ZFYVE28: variants seen among roughly 807,000 people sequenced by gnomAD.
ZFYVE28 encodes the protein lateral signaling target protein 2 homolog.
In ZFYVE28, 40 loss-of-function variants were observed where a neutral mutation model predicts 82.1. That is an observed-to-expected ratio of 0.49 (90% CI 0.38 to 0.63). The LOEUF is 0.63. Among genes scored for constraint, ZFYVE28 ranks in the 30% least tolerant of loss-of-function variants. The probability of loss-of-function intolerance (pLI) is 0.00; values close to 1 mark genes in which losing one functional copy is unlikely to be tolerated. For missense variants in ZFYVE28, 1,321 were observed against 1,242.1 expected (o/e 1.06, Z -0.96); for synonymous variants, 612 against 546.1 (o/e 1.12, Z -1.68).
chr4:2,330,878 C>G, intron 6 of ZFYVE28: 2 of 1,534,550 alleles, frequency 1.3e-6, no homozygotes, highest in Non-Finnish European at 1.7e-6. Flanking sequence ...GGGCACGGTG[C>G]AGGCAGATCA....
chr4:2,397,387 A>G (rs528699186), intron 1 of ZFYVE28, among the ~76,000 whole-genome samples: 3 of 150,764 alleles, frequency 2.0e-5, no homozygotes, highest in African/African-American at 7.3e-5. Context: ...CTGAGGCAGG[A>G]GAATCGCTTG....
intron 7 of ZFYVE28, among the ~76,000 whole-genome samples, chr4:2,315,466 G>T (rs1718070990): frequency 6.6e-6 from 1 of 152,016 alleles, no homozygotes; most frequent in African/African-American, 2.4e-5. Context: ...TAGAGACGAG[G>T]TTTCACCATG....
chr4:2,364,884 G>A, intron 1 of ZFYVE28: 3 of 985,536 alleles, frequency 3.0e-6, no homozygotes, highest in Non-Finnish European at 2.4e-6. Context: ...GAGTACCGTG[G>A]ACCCCGGAAG....
Position 2,305,420 on chromosome 4 carries a change from GC to G in ZFYVE28, c.919del (p.Ala307ArgfsTer152). The G allele has an allele frequency of 6.2e-7, 1 of 1,612,812 alleles. No individual in the cohort carries two copies. Among genetic ancestry groups the G allele is most frequent in the Non-Finnish European group, 8.5e-7 (1 of 1,179,958 alleles). ...GGGGAGAGGGGCAGAGAGGGCAGGCGCCAGGGCAGCGGGTCCCTGCACGTCT... is the reference window on the plus strand; with the variant it reads ...GGGGAGAGGGGCAGAGAGGGCAGGCGCAGGGCAGCGGGTCCCTGCACGTCT... ...RADVQGPAAL[A>X]PALSAPLPPE... On this transcript the variant is annotated frameshift_variant, in exon 8 of 13. Coordinates refer to ENST00000290974, the MANE Select transcript of ZFYVE28 (RefSeq NM_020972.3). LOFTEE classifies it high-confidence loss of function.
intron 1 of ZFYVE28, among the ~76,000 whole-genome samples, chr4:2,393,016 C>G (rs530434320): frequency 6.6e-6 from 1 of 152,362 alleles, no homozygotes; most frequent in Admixed American, 6.5e-5. Context: ...TCTTTTGCTC[C>G]TGTCTTGGAA....
rs531462945 is a variant in ZFYVE28, at chr4:2,290,617, C to G, written c.2051+13672G>C. Among the ~76,000 whole-genome samples the G allele has an allele frequency of 9.6e-4, 146 of 152,346 alleles. 2 individuals carry two copies. The highest frequency in any genetic ancestry group is 3.0e-3 in the African/African-American group (123 of 41,590). ...CCACACCTGCCCCCTGGCCCCAGAG[C>G]AGCTGCTGACGTCCACGGCTCACCA... On this transcript the variant is annotated intron_variant, in intron 8 of 12. Transcript: ENST00000290974.
chr4:2,291,774 G>A (rs970184065), intron 8 of ZFYVE28, among the ~76,000 whole-genome samples: 5 of 152,280 alleles, frequency 3.3e-5, no homozygotes, highest in South Asian at 2.1e-4. Context: ...CTCCCCACAC[G>A]CCTGGCTGGT....
At position 2,339,955 on chromosome 4, in the gene ZFYVE28, G is replaced by A. The variant is rs923384212; in HGVS notation, c.319-300C>T. Among the ~76,000 whole-genome samples, 3 of 151,156 alleles carry A rather than the reference G, an allele frequency of 2.0e-5. No homozygotes were observed. The highest frequency in any genetic ancestry group is 7.3e-5 in the African/African-American group (3 of 41,200). On this transcript the variant is annotated intron_variant, in intron 3 of 12. Transcript: ENST00000290974. This position sits in a 1 kb window ranked among gnomAD's most constrained non-coding sequence, Gnocchi z 5.0. ...GGGAGGGCAGGGGAGGGGAGGGGAG[G>A]GGAAGGTGGACTGAGGCCCTTGGGT...
chr4:2,328,804 C>CTTTT (rs34334027), intron 6 of ZFYVE28: 4 of 215,012 alleles, frequency 1.9e-5, no homozygotes, highest in Non-Finnish European at 3.5e-5. Flanking sequence ...CAACTTTGTT[C>CTTTT]TTTTTTTTTT....
intron 8 of ZFYVE28, chr4:2,287,606 G>A (rs979762506): frequency 1.3e-5 from 2 of 152,256 alleles, no homozygotes; most frequent in Non-Finnish European, 2.9e-5. Flanking sequence ...AGGTGGCTGC[G>A]GCTGGTGTTC....
At chr4:2,328,126 T>G (rs1332818485) in intron 6 of ZFYVE28, among the ~76,000 whole-genome samples, 23 of 152,350 alleles carry the variant, frequency 1.5e-4, no homozygotes. Context: ...ATTGCAGCAT[T>G]ATTCACAATA....
At chr4:2,290,932 T>C (rs1713558534) in intron 8 of ZFYVE28, among the ~76,000 whole-genome samples, 1 of 152,240 alleles carries the variant, frequency 6.6e-6, no homozygotes, top group African/African-American at 2.4e-5. Flanking sequence ...ACTATTATTA[T>C]GGTCTGGGAA....
intron 1 of ZFYVE28, among the ~76,000 whole-genome samples, chr4:2,400,026 A>C (rs1731004904): frequency 6.6e-6 from 1 of 152,178 alleles, no homozygotes; most frequent in African/African-American, 2.4e-5. Context: ...GGACAGCCCC[A>C]CGGCCGCTTC....
chr4:2,271,234 T>C lies in ZFYVE28; in HGVS notation c.2532+77A>G, dbSNP rs564532367. On this transcript the variant is annotated intron_variant, in intron 12 of 12. Transcript: ENST00000290974. ...CGCTGGCCTCCCTGGGCATCGGTTC[T>C]GACTTCCAGACCTCAGGCTCTGTCC... The C allele has an allele frequency of 4.8e-5, 70 of 1,463,232 alleles. No homozygotes were observed. In the African/African-American group the frequency reaches 7.9e-4, roughly 17 times the overall value. 90.6% of individuals were successfully genotyped at this position (1,463,232 alleles called of 1,614,324 possible). A position where few individuals can be genotyped will look rare whatever the true frequency, so the allele number is the denominator to read the frequency against.
At chr4:2,298,058 G>T (rs555221395) in intron 8 of ZFYVE28, among the ~76,000 whole-genome samples, 1 of 148,372 alleles carries the variant, frequency 6.7e-6, no homozygotes, top group East Asian at 2.0e-4. Flanking sequence ...TGACACGGCA[G>T]GCTGTGCTGT....
Position 2,279,931 on chromosome 4 carries a change from C to T in ZFYVE28, c.2052-5715G>A, listed in dbSNP as rs562110058. 5.3e-5 allele frequency among the ~76,000 whole-genome samples: 8 copies of T among 152,216 alleles called. No individual in the cohort carries two copies. The South Asian group carries it at 1.7e-3, about 32-fold the overall frequency. The stretch of plus-strand genomic sequence containing the variant: ...GTGACTGCTGATGGGGAGGGTTTTT[C>T]TTTATGGGGTGATGAAAATGTTTTG... On this transcript the variant is annotated intron_variant, in intron 8 of 12. Coordinates refer to ENST00000290974, the MANE Select transcript of ZFYVE28 (RefSeq NM_020972.3).
chr4:2,303,884 C>T (rs1054862157), intron 8 of ZFYVE28, among the ~76,000 whole-genome samples: 5 of 152,242 alleles, frequency 3.3e-5, no homozygotes, highest in South Asian at 4.1e-4. Flanking sequence ...CGCTCGGATG[C>T]GGCTCAGGGC....
At position 2,359,913 on chromosome 4, in the gene ZFYVE28, G is replaced by A. The variant is rs189886858; in HGVS notation, c.40-5840C>T. On this transcript the variant is annotated intron_variant, in intron 1 of 12. Coordinates refer to ENST00000290974, the MANE Select transcript of ZFYVE28 (RefSeq NM_020972.3). ...TCTGAGGAAGCTGCTCTTGGGGTGG[G>A]CTCAAGCTTCCCTGAAAGACCCTGG... 2.5e-3 allele frequency among the ~76,000 whole-genome samples: 375 copies of A among 152,220 alleles called. 3 individuals are homozygous for A. Among genetic ancestry groups the A allele is most frequent in the African/African-American group, 7.8e-3 (325 of 41,540 alleles).
chr4:2,379,910 C>A (rs1172067090), intron 1 of ZFYVE28, among the ~76,000 whole-genome samples: 1 of 152,054 alleles, frequency 6.6e-6, no homozygotes, highest in Non-Finnish European at 1.5e-5. Context: ...GCCTCAGCCT[C>A]CCAAGTATCT....
Sources: allele counts gnomAD v4.1 joint callset (sites outside exome capture counted in the v4.1 genomes callset), GRCh38; gene constraint gnomAD v4.1.1; non-coding constraint Gnocchi (gnomAD v3.1); transcripts MANE v1.5; gene names NCBI Gene and HGNC (gene_info 2026-07-23, HGNC 2026-07-21).